Variants in ETV7 observed in about 807,000 individuals in gnomAD.
The protein encoded by ETV7 is transcription factor ETV7.
A neutral mutation model predicts 39.1 loss-of-function variants in ETV7; 43 were observed. That is an observed-to-expected ratio of 1.10 (90% CI 0.86 to 1.42). The LOEUF (loss-of-function observed/expected upper bound fraction) is 1.42. Among genes scored for constraint, ETV7 ranks in the 40% most tolerant of loss-of-function variants. The probability of loss-of-function intolerance (pLI) is 0.00; values close to 1 mark genes in which losing one functional copy is unlikely to be tolerated. For synonymous variants in ETV7, 196 were observed against 176.6 expected, an observed-to-expected ratio of 1.11 and a Z score of -0.87; for missense variants, 432 against 442.3, an observed-to-expected ratio of 0.98 and a Z score of 0.21.
chr6:36,377,438 G>A (rs1419786586), intron 2 of ETV7, among the ~76,000 whole-genome samples: 2 of 152,196 alleles, frequency 1.3e-5, no homozygotes, highest in Non-Finnish European at 2.9e-5. Flanking sequence ...TCCAGCCTGG[G>A]TGACAGAGTG....
downstream of ETV7, chr6:36,366,184 G>C: frequency 1.0e-6 from 1 of 1,001,116 alleles, no homozygotes; most frequent in Non-Finnish European, 1.2e-6. Flanking sequence ...AAAAATAAAA[G>C]AAAGAAACAT....
downstream of ETV7, among the ~76,000 whole-genome samples, chr6:36,361,937 T>TG (rs1000693856): frequency 4.0e-5 from 6 of 151,828 alleles, no homozygotes; most frequent in African/African-American, 1.5e-4. Context: ...CCAAGGCAGG[T>TG]GGATCACCTG....
At chr6:36,376,778 G>GAAAAAA (rs60435053) in intron 2 of ETV7, among the ~76,000 whole-genome samples, 1 of 91,966 alleles carries the variant, frequency 1.1e-5, no homozygotes, top group Non-Finnish European at 2.3e-5. Context: ...TCCCTCTAAA[G>GAAAAAA]AAAAAAAAAA....
chr6:36,376,543 C>T (rs113859861), intron 2 of ETV7, among the ~76,000 whole-genome samples: 406 of 152,138 alleles, frequency 2.7e-3, no homozygotes, highest in Admixed American at 3.3e-3. Flanking sequence ...TTTGGGAGGC[C>T]GAGGCGGGTG....
At chr6:36,364,469 C>T (rs1472201512), downstream of ETV7, among the ~76,000 whole-genome samples, 1 of 152,246 alleles carries the variant, frequency 6.6e-6, no homozygotes, top group African/African-American at 2.4e-5. Flanking sequence ...CAGCCGCTGG[C>T]CCGGGTGCTA....
rs572461577 is a variant in ETV7, at chr6:36,367,778, C to T, written c.808-803G>A. Reference sequence around the variant, plus strand: ...GCATCAATTTAAGCCCCAGCTCCACCGCTTGTCAGCTGTGTCACCTTGGAC... The same window carrying T: ...GCATCAATTTAAGCCCCAGCTCCACTGCTTGTCAGCTGTGTCACCTTGGAC... On this transcript the variant is annotated intron_variant, in intron 6 of 7. Coordinates refer to ENST00000340181, the MANE Select transcript of ETV7 (RefSeq NM_016135.4). Among the ~76,000 whole-genome samples, 18 of 151,974 alleles carry T rather than the reference C, an allele frequency of 1.2e-4. No homozygotes were observed. In the South Asian group the frequency reaches 2.9e-3, roughly 25 times the overall value.
intron 5 of ETV7, among the ~76,000 whole-genome samples, chr6:36,369,648 G>A (rs1453558569): frequency 6.6e-6 from 1 of 152,252 alleles, no homozygotes; most frequent in Admixed American, 6.5e-5. Context: ...TTGCAGGCAA[G>A]TTACACAACC....
intron 7 of ETV7, among the ~76,000 whole-genome samples, chr6:36,360,453 GC>G (rs1281571910): frequency 1.3e-5 from 2 of 152,102 alleles, no homozygotes; most frequent in East Asian, 3.8e-4. Flanking sequence ...GGCTTATGGT[GC>G]CCCTCAATTC....
At chr6:36,375,185 G>GA (rs933221719) in intron 3 of ETV7, among the ~76,000 whole-genome samples, 3 of 152,116 alleles carry the variant, frequency 2.0e-5, no homozygotes, top group Admixed American at 2.0e-4. Flanking sequence ...CTGTGGGCTT[G>GA]CTTGGCCAAA....
In ETV7 at chr6:36,373,821, C is replaced by T. The variant is rs144897630; in HGVS notation, c.308-243G>A. Among the ~76,000 whole-genome samples the T allele has an allele frequency of 2.3e-3, 350 of 152,352 alleles. 1 individual carries two copies. The highest frequency in any genetic ancestry group is 0.014 in the Middle Eastern group (4 of 294). On this transcript the variant is annotated intron_variant, in intron 3 of 7. Transcript: ENST00000340181. Reference sequence around the variant, plus strand: ...ATCCTTTCCTGCCGGTACACGCAGCCGCCTCCAGGGCATGCAGCTTGCAAG... The same window carrying T: ...ATCCTTTCCTGCCGGTACACGCAGCTGCCTCCAGGGCATGCAGCTTGCAAG...
At chr6:36,362,168 G>C (rs7739480), downstream of ETV7, among the ~76,000 whole-genome samples, 1 of 152,042 alleles carries the variant, frequency 6.6e-6, no homozygotes, top group East Asian at 1.9e-4. Context: ...CGCGGTGGCG[G>C]GCACCTGTAG....
chr6:36,375,290 T>C lies in ETV7; in HGVS notation c.307+581A>G, dbSNP rs1773261960. Among the ~76,000 whole-genome samples the C allele has an allele frequency of 3.9e-5, 6 of 151,954 alleles. No individual in the cohort carries two copies. The South Asian group carries it at 1.2e-3, about 32-fold the overall frequency. On this transcript the variant is annotated intron_variant, in intron 3 of 7. Transcript: ENST00000340181. Reference sequence around the variant, plus strand: ...CCACTGAAAACAAGCCACACAAGACTCAGATGCGATTCTAGAGGTTCCTGG... The same window carrying C: ...CCACTGAAAACAAGCCACACAAGACCCAGATGCGATTCTAGAGGTTCCTGG...
At position 36,376,034 on chromosome 6, in the gene ETV7, G is replaced by A. The variant is rs764782132; in HGVS notation, c.144C>T (p.Arg48=). The A allele has an allele frequency of 1.9e-6, 3 of 1,595,844 alleles. No individual in the cohort carries two copies. Among genetic ancestry groups the A allele is most frequent in the East Asian group, 2.2e-5 (1 of 44,632 alleles). ...GGICKLPGRL[R]IQPALWSRED... The stretch of plus-strand genomic sequence containing the variant: ...CCCTGCTCCACAGTGCGGGCTGGAT[G>A]CCTGCAACCAGCAAGGACCAGTCCC... The change falls in exon 3 of 8, where the codon CGC becomes CGT. Residue 48 remains arginine (R), a splice_region_variant and synonymous_variant. Coordinates refer to ENST00000340181, the MANE Select transcript of ETV7 (RefSeq NM_016135.4).
At chr6:36,378,147 C>A (rs1041848644) in intron 2 of ETV7, among the ~76,000 whole-genome samples, 18 of 151,614 alleles carry the variant, frequency 1.2e-4, no homozygotes, top group Admixed American at 6.6e-4. Context: ...CACGCACACA[C>A]GCGTGCCTAT....
intron 2 of ETV7, among the ~76,000 whole-genome samples, chr6:36,377,102 A>G (rs1773414851): frequency 6.6e-6 from 1 of 152,176 alleles, no homozygotes; most frequent in South Asian, 2.1e-4. Flanking sequence ...AGTTTTGGAT[A>G]GTGTTCAGCA....
intron 2 of ETV7, among the ~76,000 whole-genome samples, chr6:36,383,122 G>A (rs565979837): frequency 2.4e-4 from 36 of 152,300 alleles, no homozygotes; most frequent in African/African-American, 6.3e-4. Flanking sequence ...TGGTCCTAGA[G>A]TCTGCACTGC....
downstream of ETV7, among the ~76,000 whole-genome samples, chr6:36,362,662 A>G (rs1233454722): frequency 1.3e-5 from 2 of 152,210 alleles, no homozygotes; most frequent in Non-Finnish European, 2.9e-5. Context: ...CCATCCCCAG[A>G]CCACGGCCTG....
In ETV7 at chr6:36,367,373, G is replaced by A. The variant is rs186406712; in HGVS notation, c.808-398C>T. ...CAGGAGAATCCCTTGAACCCAGGAG[G>A]CAGAGGTTGCAGTGAGCCGAGGTCA... On this transcript the variant is annotated intron_variant, in intron 6 of 7. Transcript: ENST00000340181. Among the ~76,000 whole-genome samples the A allele has an allele frequency of 1.4e-3, 219 of 152,206 alleles. 1 individual carries two copies. The highest frequency in any genetic ancestry group is 4.6e-3 in the African/African-American group (193 of 41,524).
intron 4 of ETV7, 75 bp from the exon 5 acceptor site, chr6:36,371,635 C>A: frequency 7.7e-7 from 1 of 1,296,270 alleles, no homozygotes; most frequent in Non-Finnish European, 1.1e-6. Context: ...CAATGGTGAG[C>A]CTGGGAGCCC....
Sources: gnomAD v4.1 joint callset for allele counts (sites outside exome capture counted in the v4.1 genomes callset) on GRCh38, gnomAD v4.1.1 for gene constraint, MANE v1.5 for transcripts, NCBI Gene and HGNC (gene_info 2026-07-23, HGNC 2026-07-21) for gene names.